The following NCKAP5 variants were observed in gnomAD, a reference collection of about 807,000 sequenced individuals.
NCKAP5 encodes NCK associated protein 5.
A neutral mutation model predicts 167.0 loss-of-function variants in NCKAP5; 92 were observed. The observed-to-expected ratio is 0.55, with a 90% confidence interval of 0.47 to 0.66. The LOEUF (loss-of-function observed/expected upper bound fraction) is 0.66, where lower values mean the gene tolerates loss of function less well. Ranked by LOEUF, NCKAP5 falls within the 30% of genes least tolerant of loss-of-function variation. The pLI, the probability that NCKAP5 is intolerant of heterozygous loss-of-function variation, is 0.00. For synonymous variants in NCKAP5, 891 were observed against 877.4 expected (o/e 1.02, Z -0.27); for missense variants, 2,378 against 2,315.0 (o/e 1.03, Z -0.56).
chr2:132,930,739 A>G (rs1249905716), intron 8 of NCKAP5: 1 of 152,170 alleles, frequency 6.6e-6, no homozygotes, highest in East Asian at 1.9e-4. Flanking sequence ...TATATCCTAT[A>G]GTTTCTGTTT....
intron 2 of NCKAP5, among the ~76,000 whole-genome samples, chr2:133,548,733 A>G (rs1575140987): frequency 6.6e-6 from 1 of 152,362 alleles, no homozygotes; most frequent in East Asian, 1.9e-4. Flanking sequence ...AGGAAGCGCT[A>G]AACATGGAAA....
chr2:133,646,474 A>T, the NCKAP5 span, among the ~76,000 whole-genome samples: 2 of 152,152 alleles, frequency 1.3e-5, no homozygotes, highest in South Asian at 2.1e-4. Flanking sequence ...CCAGCCAACC[A>T]ATAATAATAT....
chr2:133,286,227 A>C (rs1574605582), intron 4 of NCKAP5, among the ~76,000 whole-genome samples: 1 of 151,966 alleles, frequency 6.6e-6, no homozygotes, highest in Non-Finnish European at 1.5e-5. Context: ...CGATCTCCTA[A>C]CCTCGTGATC....
intron 8 of NCKAP5, among the ~76,000 whole-genome samples, chr2:132,920,771 G>GTATGTATGTATGTGTGTGTA (rs1553479343): frequency 3.2e-5 from 1 of 31,570 alleles, no homozygotes; most frequent in African/African-American, 1.1e-4. Context: ...ATATATGTAT[G>GTATGTATGTATGTGTGTGTA]TATATATATA....
At chr2:133,541,482 A>G (rs1380036240) in intron 2 of NCKAP5, among the ~76,000 whole-genome samples, 1 of 152,124 alleles carries the variant, frequency 6.6e-6, no homozygotes, top group Non-Finnish European at 1.5e-5. Context: ...TTACATCACG[A>G]TCCTTCAAAC....
chr2:132,940,227 T>C (rs1199291305), intron 8 of NCKAP5, among the ~76,000 whole-genome samples: 1 of 152,152 alleles, frequency 6.6e-6, no homozygotes, highest in Non-Finnish European at 1.5e-5. Flanking sequence ...ATTTTGTTCA[T>C]AAGGGCCTAT....
chr2:133,164,777 T>G (rs1438172043), intron 5 of NCKAP5, among the ~76,000 whole-genome samples: 2 of 152,190 alleles, frequency 1.3e-5, no homozygotes, highest in African/African-American at 4.8e-5. Flanking sequence ...TCTTTCCAGA[T>G]GAAAACTTAG....
At chr2:133,498,551 G>T (rs1211880154) in intron 3 of NCKAP5, among the ~76,000 whole-genome samples, 1 of 148,026 alleles carries the variant, frequency 6.8e-6, no homozygotes, top group Non-Finnish European at 1.5e-5. Flanking sequence ...AAGGGAGGGA[G>T]GGAGGGAAGG....
At chr2:133,621,074 C>T in the NCKAP5 span, among the ~76,000 whole-genome samples, 13 of 151,980 alleles carry the variant, frequency 8.6e-5, no homozygotes, top group East Asian at 3.9e-4. Flanking sequence ...TTGAATTGAA[C>T]GATAATAGTG....
At chr2:133,643,567 C>T in the NCKAP5 span, among the ~76,000 whole-genome samples, 1 of 152,128 alleles carries the variant, frequency 6.6e-6, no homozygotes, top group Non-Finnish European at 1.5e-5. Flanking sequence ...ATTGCCAATG[C>T]CCAGGTTCAG....
intron 6 of NCKAP5, among the ~76,000 whole-genome samples, chr2:133,129,116 T>G (rs1273310801): frequency 6.6e-6 from 1 of 151,722 alleles, no homozygotes; most frequent in Non-Finnish European, 1.5e-5. Flanking sequence ...TTATTATACT[T>G]TAAGTTTTAG....
chr2:133,485,263 C>T (rs1431579062), intron 3 of NCKAP5, among the ~76,000 whole-genome samples: 1 of 152,142 alleles, frequency 6.6e-6, no homozygotes, highest in Admixed American at 6.6e-5. Flanking sequence ...GAGACAGTCA[C>T]CATTTAGGCT....
chr2:132,729,684 G>C (rs1393157852), intron 17 of NCKAP5, among the ~76,000 whole-genome samples: 1 of 152,182 alleles, frequency 6.6e-6, no homozygotes, highest in Non-Finnish European at 1.5e-5. Flanking sequence ...CAATTAAAGA[G>C]AGTTTCCCCA....
At chr2:132,832,830 T>C (rs1367415254) in intron 11 of NCKAP5, among the ~76,000 whole-genome samples, 3 of 152,184 alleles carry the variant, frequency 2.0e-5, no homozygotes, top group Non-Finnish European at 2.9e-5. Context: ...GATAAACATA[T>C]GAGTGCAGGT....
intron 16 of NCKAP5, among the ~76,000 whole-genome samples, chr2:132,738,297 G>A (rs1691708589): frequency 6.6e-6 from 1 of 152,170 alleles, no homozygotes; most frequent in Non-Finnish European, 1.5e-5. Context: ...GCCAACAGTA[G>A]GCTGTTCTAA....
chr2:133,463,761 T>A (rs1228792475), intron 3 of NCKAP5, among the ~76,000 whole-genome samples: 1 of 152,232 alleles, frequency 6.6e-6, no homozygotes, highest in East Asian at 1.9e-4. Flanking sequence ...GACAAATTAA[T>A]ATTTTACATG....
intron 3 of NCKAP5, among the ~76,000 whole-genome samples, chr2:133,445,711 C>A (rs888384776): frequency 2.0e-5 from 3 of 151,890 alleles, no homozygotes; most frequent in African/African-American, 7.3e-5. Context: ...TTTTTGGCAG[C>A]ACAGGGAGAG....
chr2:133,110,796 C>G (rs1312550273), intron 6 of NCKAP5, among the ~76,000 whole-genome samples: 6 of 152,152 alleles, frequency 3.9e-5, no homozygotes, highest in African/African-American at 1.4e-4. Flanking sequence ...TAACAAAATA[C>G]CACAGACTGG....
At chr2:133,446,062 A>G (rs567948131) in intron 3 of NCKAP5, among the ~76,000 whole-genome samples, 3 of 152,294 alleles carry the variant, frequency 2.0e-5, no homozygotes, top group South Asian at 4.1e-4. Context: ...CAGACTTGCA[A>G]AGAGAGGAGG....
Sources: gnomAD v4.1 joint callset for allele counts (sites outside exome capture counted in the v4.1 genomes callset) on GRCh38, gnomAD v4.1.1 for gene constraint, MANE v1.5 for transcripts, NCBI Gene and HGNC (gene_info 2026-07-23, HGNC 2026-07-21) for gene names.